Variants in GRIA1 observed in about 807,000 individuals in gnomAD.
GRIA1 encodes glutamate receptor 1.
Under a neutral mutation model 99.2 loss-of-function variants are expected in GRIA1, and 31 were observed. That is an observed-to-expected ratio of 0.31 (90% CI 0.23 to 0.42). GRIA1 has a LOEUF of 0.42. Ranked by LOEUF, GRIA1 falls within the 10% of genes least tolerant of loss-of-function variation. The probability of loss-of-function intolerance (pLI) is 1.00; values close to 1 mark genes in which losing one functional copy is unlikely to be tolerated. For missense variants in GRIA1, 782 were observed against 1,157.5 expected (o/e 0.68, Z 4.71); for synonymous variants, 438 against 432.4 (o/e 1.01, Z -0.16).
chr5:153,620,541 A>G (rs554555730), intron 2 of GRIA1, among the ~76,000 whole-genome samples: 3 of 152,314 alleles, frequency 2.0e-5, no homozygotes, highest in South Asian at 4.1e-4. Context: ...CTTGTTACAC[A>G]TGAGCCTGAG....
chr5:153,776,225 T>C (rs1764244162), intron 13 of GRIA1, among the ~76,000 whole-genome samples: 1 of 152,178 alleles, frequency 6.6e-6, no homozygotes, highest in Non-Finnish European at 1.5e-5. Flanking sequence ...TACAACGGGA[T>C]GCAGACACTT....
At chr5:153,690,652 A>G (rs994205955) in intron 8 of GRIA1, among the ~76,000 whole-genome samples, 4 of 152,240 alleles carry the variant, frequency 2.6e-5, no homozygotes, top group Non-Finnish European at 5.9e-5. Context: ...TGGGGGAGTC[A>G]GGCTGTGTAA....
intron 2 of GRIA1, among the ~76,000 whole-genome samples, chr5:153,630,671 G>T (rs7727464): frequency 0.055 from 8,393 of 152,274 alleles, 262 homozygotes; most frequent in African/African-American, 0.074. Context: ...CACCCTCAAA[G>T]AAGCAAATCC....
Position 153,655,818 on chromosome 5 carries a change from G to T in GRIA1, c.646-1G>T. The T allele has an allele frequency of 6.2e-7, 1 of 1,612,530 alleles. No individual in the cohort carries two copies. On this transcript the variant is annotated splice_acceptor_variant, in intron 4 of 15. Transcript: ENST00000285900. LOFTEE classifies it high-confidence loss of function. ...GAGTCTCCACCTATTATGTTTTGTA[G>T]ATTATAAAGCTAGAGAAGAATGGCA...
intron 2 of GRIA1, among the ~76,000 whole-genome samples, chr5:153,522,046 G>T (rs887503279): frequency 6.6e-6 from 1 of 152,206 alleles, no homozygotes; most frequent in African/African-American, 2.4e-5. Flanking sequence ...ATGCCACCTG[G>T]AGAAAGTGAT....
intron 2 of GRIA1, among the ~76,000 whole-genome samples, chr5:153,507,750 A>C (rs1283662659): frequency 6.6e-6 from 1 of 152,190 alleles, no homozygotes; most frequent in African/African-American, 2.4e-5. Context: ...CTTGTCTCAA[A>C]AAAATATCAG....
intron 2 of GRIA1, among the ~76,000 whole-genome samples, chr5:153,539,718 A>C (rs922627770): frequency 6.6e-6 from 1 of 152,224 alleles, no homozygotes; most frequent in Non-Finnish European, 1.5e-5. Flanking sequence ...TCTAAGCTCC[A>C]TCCAAGATAT....
intron 2 of GRIA1, among the ~76,000 whole-genome samples, chr5:153,617,613 T>A (rs1348327411): frequency 6.6e-6 from 1 of 152,168 alleles, no homozygotes; most frequent in Middle Eastern, 3.2e-3. Flanking sequence ...AATCTTTTCA[T>A]TGATCTCCTT....
intron 11 of GRIA1, among the ~76,000 whole-genome samples, chr5:153,760,357 A>G (rs1763099686): frequency 6.6e-6 from 1 of 152,144 alleles, no homozygotes; most frequent in African/African-American, 2.4e-5. Flanking sequence ...AAATCAAAAT[A>G]CAAAATTAAT....
At chr5:153,698,763 T>A in intron 9 of GRIA1, 104 bp from the exon 10 acceptor site, 1 of 744,154 alleles carries the variant, frequency 1.3e-6, no homozygotes, top group South Asian at 1.5e-5. Context: ...CTAGAGAGCC[T>A]TCCCCAGTGT....
At chr5:153,727,690 G>A (rs189999818) in intron 11 of GRIA1, among the ~76,000 whole-genome samples, 3 of 152,228 alleles carry the variant, frequency 2.0e-5, no homozygotes, top group Admixed American at 2.0e-4. Flanking sequence ...GGACGTGAAG[G>A]ACCTCTTCAA....
intron 13 of GRIA1, among the ~76,000 whole-genome samples, chr5:153,781,581 C>A (rs1203163853): frequency 3.9e-5 from 6 of 152,118 alleles, no homozygotes; most frequent in Admixed American, 3.3e-4. Flanking sequence ...TCCTACCCAG[C>A]CAACTTCGAT....
At chr5:153,503,749 A>G (rs964345470) in intron 2 of GRIA1, among the ~76,000 whole-genome samples, 1 of 152,210 alleles carries the variant, frequency 6.6e-6, no homozygotes, top group Non-Finnish European at 1.5e-5. Context: ...ATTATTGTTT[A>G]TAGAAATAAG....
At chr5:153,569,932 A>G (rs975744375) in intron 2 of GRIA1, among the ~76,000 whole-genome samples, 25 of 152,194 alleles carry the variant, frequency 1.6e-4, no homozygotes, top group Non-Finnish European at 2.9e-4. Context: ...CAGAGCTGCA[A>G]CCAGAGCTAA....
chr5:153,788,534 CTT>C (rs1479367199), intron 13 of GRIA1, among the ~76,000 whole-genome samples: 1 of 152,218 alleles, frequency 6.6e-6, no homozygotes, highest in African/African-American at 2.4e-5. Flanking sequence ...AATGTGATCT[CTT>C]ATCACCCAAC....
In GRIA1 at chr5:153,490,698, C is replaced by T. The variant is rs540864196; in HGVS notation, c.-191C>T. ...TAATCTGGCTGTCAGTTGGTGTTAA[C>T]GCTGCAGTTTAAGTGTTCGGATTCC... On this transcript the variant is annotated 5_prime_UTR_variant, in exon 1 of 16. In the 5' UTR this introduces an upstream ATG that the reference lacks. Coordinates refer to ENST00000285900, the MANE Select transcript of GRIA1 (RefSeq NM_000827.4). The T allele has an allele frequency of 7.5e-6, 5 of 665,790 alleles. No homozygotes were observed. The highest frequency in any genetic ancestry group is 3.5e-5 in the South Asian group (2 of 57,308). 41.2% of individuals were successfully genotyped at this position (665,790 alleles called of 1,614,324 possible). A position where few individuals can be genotyped will look rare whatever the true frequency, so the allele number is the denominator to read the frequency against.
At chr5:153,729,245 GA>G (rs1238211683) in intron 11 of GRIA1, among the ~76,000 whole-genome samples, 2 of 151,358 alleles carry the variant, frequency 1.3e-5, no homozygotes, top group Admixed American at 1.3e-4. Flanking sequence ...GGGGTAGGGA[GA>G]GGGGGGAGCG....
At chr5:153,670,463 TAACA>T (rs1430031875) in intron 5 of GRIA1, among the ~76,000 whole-genome samples, 1 of 151,910 alleles carries the variant, frequency 6.6e-6, no homozygotes, top group Non-Finnish European at 1.5e-5. Flanking sequence ...TTGTCAGTAG[TAACA>T]GTATATAGAG....
intron 13 of GRIA1, among the ~76,000 whole-genome samples, chr5:153,770,968 C>T (rs990986800): frequency 6.6e-6 from 1 of 152,182 alleles, no homozygotes; most frequent in Non-Finnish European, 1.5e-5. Context: ...ATTTATTTAG[C>T]AAGATATAGA....
Sources: allele counts gnomAD v4.1 joint callset (sites outside exome capture counted in the v4.1 genomes callset), GRCh38; gene constraint gnomAD v4.1.1; transcripts MANE v1.5; gene names NCBI Gene and HGNC (gene_info 2026-07-23, HGNC 2026-07-21).